The following SGIP1 variants were observed in gnomAD, a reference collection of about 807,000 sequenced individuals.
The protein encoded by SGIP1 is SH3GL interacting endocytic adaptor 1.
SGIP1 carries 38 observed loss-of-function variants against 107.5 expected under a neutral mutation model. That is an observed-to-expected ratio of 0.35 (90% CI 0.27 to 0.46). The LOEUF (loss-of-function observed/expected upper bound fraction) is 0.46. SGIP1 is among the 20% of genes least tolerant of loss of function. The pLI is 1.00. For synonymous variants in SGIP1, 365 were observed against 366.1 expected, an observed-to-expected ratio of 1.00 and a Z score of 0.03; for missense variants, 929 against 1,019.5, an observed-to-expected ratio of 0.91 and a Z score of 1.21.
chr1:66,632,514 C>T (rs1330340195), intron 2 of SGIP1, among the ~76,000 whole-genome samples: 1 of 152,146 alleles, frequency 6.6e-6, no homozygotes, highest in African/African-American at 2.4e-5. Flanking sequence ...GTGATGCTCT[C>T]CTGCAATCCC....
At chr1:66,589,990 G>A (rs2063361341) in intron 1 of SGIP1, among the ~76,000 whole-genome samples, 1 of 152,076 alleles carries the variant, frequency 6.6e-6, no homozygotes, top group Admixed American at 6.5e-5. Flanking sequence ...TGTGTGAGTT[G>A]CCCCATTCAG....
chr1:66,577,970 A>G (rs913055753), intron 1 of SGIP1, among the ~76,000 whole-genome samples: 9 of 152,166 alleles, frequency 5.9e-5, no homozygotes, highest in African/African-American at 2.2e-4. Flanking sequence ...GGTTTCTATG[A>G]ATCATTGCTC....
chr1:66,566,445 T>G (rs920116275), intron 1 of SGIP1, among the ~76,000 whole-genome samples: 6 of 152,106 alleles, frequency 3.9e-5, no homozygotes, highest in Admixed American at 3.9e-4. Flanking sequence ...ACTTTTTCTG[T>G]GGGATGAGTT....
At chr1:66,627,684 T>TAA (rs1386060196) in intron 2 of SGIP1, among the ~76,000 whole-genome samples, 1 of 152,248 alleles carries the variant, frequency 6.6e-6, no homozygotes, top group African/African-American at 2.4e-5. Context: ...CAAATTTTTC[T>TAA]AAATAATTAA....
intron 1 of SGIP1, among the ~76,000 whole-genome samples, chr1:66,587,955 T>C (rs2062894722): frequency 6.6e-6 from 1 of 152,132 alleles, no homozygotes; most frequent in Non-Finnish European, 1.5e-5. Context: ...TTACTTGCAC[T>C]TTTTGCTTTT....
At chr1:66,675,763 G>GCC (rs771230251) in intron 12 of SGIP1, among the ~76,000 whole-genome samples, 6 of 151,146 alleles carry the variant, frequency 4.0e-5, no homozygotes, top group Admixed American at 4.0e-4. Context: ...CGAACTCCTG[G>GCC]ACTCATGTAA....
At chr1:66,723,767 C>A (rs1457037786) in intron 19 of SGIP1, among the ~76,000 whole-genome samples, 1 of 152,136 alleles carries the variant, frequency 6.6e-6, no homozygotes, top group Non-Finnish European at 1.5e-5. Context: ...ACAATGAGTT[C>A]TTACTCTGAG....
chr1:66,551,624 A>T (rs1372352516), intron 1 of SGIP1, among the ~76,000 whole-genome samples: 1 of 152,172 alleles, frequency 6.6e-6, no homozygotes, highest in East Asian at 1.9e-4. Flanking sequence ...ATATGTAAAA[A>T]CATGCCAATC....
intron 18 of SGIP1, among the ~76,000 whole-genome samples, chr1:66,697,086 T>C (rs139087020): frequency 6.6e-6 from 1 of 152,274 alleles, no homozygotes; most frequent in Admixed American, 6.5e-5. Context: ...AAAAAACAAC[T>C]CTGACAGTTT....
intron 13 of SGIP1, among the ~76,000 whole-genome samples, chr1:66,678,414 C>A (rs151331125): frequency 1.3e-5 from 2 of 152,208 alleles, no homozygotes; most frequent in Non-Finnish European, 2.9e-5. Context: ...TCATTCTGCT[C>A]ATGTTGTAGT....
At chr1:66,712,796 T>A (rs1006290266) in intron 18 of SGIP1, among the ~76,000 whole-genome samples, 2 of 152,174 alleles carry the variant, frequency 1.3e-5, no homozygotes, top group African/African-American at 4.8e-5. Flanking sequence ...CATGTGTACA[T>A]CTGTGTGACC....
chr1:66,610,530 T>C (rs2067763552), intron 1 of SGIP1, among the ~76,000 whole-genome samples: 3 of 152,212 alleles, frequency 2.0e-5, no homozygotes, highest in Admixed American at 2.0e-4. Context: ...TACCCATTAG[T>C]TGTGTCTTAT....
intron 7 of SGIP1, among the ~76,000 whole-genome samples, chr1:66,655,161 G>A (rs1380222895): frequency 6.6e-6 from 1 of 151,976 alleles, no homozygotes; most frequent in Admixed American, 6.6e-5. Context: ...CATTGGAGCA[G>A]AGTAAAGCCA....
rs1557865975 is a variant in SGIP1, at chr1:66,750,036, G to GTGT, written c.*6941_*6942insTGT. Among the ~76,000 whole-genome samples, 460 of 119,170 alleles carry GTGT rather than the reference G, an allele frequency of 3.9e-3. 7 individuals are homozygous for GTGT. The highest frequency in any genetic ancestry group is 0.012 in the African/African-American group (376 of 31,550). The allele number at this position is 119,170 out of a possible 152,430, so 78.2% of individuals were successfully genotyped here. On this transcript the variant is annotated 3_prime_UTR_variant, in exon 25 of 25. Coordinates refer to ENST00000371037, the MANE Select transcript of SGIP1 (RefSeq NM_032291.4). ...CTCTCTTTCTCTGTGTGTGTGTGGG[G>GTGT]GTGTGTGTGTGTGTGTGTGTGTGTG...
At chr1:66,711,809 T>G (rs369095946) in intron 18 of SGIP1, among the ~76,000 whole-genome samples, 1,868 of 152,244 alleles carry the variant, frequency 0.012, 41 homozygotes, top group African/African-American at 0.043. Context: ...GTTTTCAGGG[T>G]GACTGTTTCC....
chr1:66,574,734 T>C (rs1486521679), intron 1 of SGIP1, among the ~76,000 whole-genome samples: 8 of 152,140 alleles, frequency 5.3e-5, no homozygotes, highest in Admixed American at 3.9e-4. Context: ...CACATGTCTG[T>C]CTGTGGATTG....
intron 15 of SGIP1, among the ~76,000 whole-genome samples, chr1:66,683,700 C>CTTTTTTTT (rs869266510): frequency 0.014 from 834 of 61,328 alleles, 126 homozygotes; most frequent in East Asian, 0.028. Context: ...TGTTTCTTTT[C>CTTTTTTTT]TTTTTTTTTT....
chr1:66,741,370 G>T lies in SGIP1; in HGVS notation c.2398G>T (p.Gly800Cys). 1 of 1,611,506 alleles carries T rather than the reference G, an allele frequency of 6.2e-7. No homozygotes were observed. The highest frequency in any genetic ancestry group is 8.5e-7 in the Non-Finnish European group (1 of 1,178,568). The change falls in exon 24 of 25, where the codon GGC becomes TGC. Residue 800 changes from glycine to cysteine, a missense_variant. Transcript: ENST00000371037. Reference protein sequence around the residue: ...QFTSEGSTLSGCDIELVGAGY... With the variant: ...QFTSEGSTLSCCDIELVGAGY... ...CACAAGTGAAGGAAGCACCCTTTCT[G>T]GCTGTGACATTGAACTTGTTGGAGC... is the stretch of plus-strand genomic sequence containing the variant.
rs544223628 is a variant in SGIP1, at chr1:66,604,959, A to G, written c.11-20888A>G. On this transcript the variant is annotated intron_variant, in intron 1 of 24. Transcript: ENST00000371037. Reference sequence around the variant, plus strand: ...TGTCCTCTTTTAGGGCTCCCATCATATATTTTGACTAAATAGTCACCATGT... The same window carrying G: ...TGTCCTCTTTTAGGGCTCCCATCATGTATTTTGACTAAATAGTCACCATGT... Among the ~76,000 whole-genome samples the G allele has an allele frequency of 2.0e-5, 3 of 152,244 alleles. No homozygotes were observed. In the East Asian group the frequency reaches 5.8e-4, roughly 29 times the overall value.
Sources: gnomAD v4.1 joint callset for allele counts (sites outside exome capture counted in the v4.1 genomes callset) on GRCh38, gnomAD v4.1.1 for gene constraint, MANE v1.5 for transcripts, NCBI Gene and HGNC (gene_info 2026-07-23, HGNC 2026-07-21) for gene names.